The following MED13 variants were observed in gnomAD, a reference collection of about 807,000 sequenced individuals.
MED13 encodes the protein mediator complex subunit 13.
MED13 carries 23 observed loss-of-function variants against 225.2 expected under a neutral mutation model. That is an observed-to-expected ratio of 0.10 (90% CI 0.07 to 0.14). The LOEUF is 0.14. Among genes scored for constraint, MED13 ranks in the 10% least tolerant of loss-of-function variants. The pLI is 1.00. For synonymous variants in MED13, 942 were observed against 889.2 expected (o/e 1.06, Z -1.06); for missense variants, 2,197 against 2,594.5 (o/e 0.85, Z 3.33).
At chr17:61,949,313 C>A (rs190581953) in intron 28 of MED13, among the ~76,000 whole-genome samples, 1 of 152,130 alleles carries the variant, frequency 6.6e-6, no homozygotes, top group Admixed American at 6.5e-5. Context: ...GCAGCCTCAA[C>A]CTCTTGTGCT....
At chr17:62,006,518 C>T (rs925373573) in intron 9 of MED13, 1 of 152,170 alleles carries the variant, frequency 6.6e-6, no homozygotes, top group African/African-American at 2.4e-5. Flanking sequence ...TATCTGACAC[C>T]TATACACATT....
intron 9 of MED13, among the ~76,000 whole-genome samples, chr17:62,008,055 C>G (rs375910598): frequency 1.4e-5 from 2 of 142,090 alleles, no homozygotes; most frequent in Non-Finnish European, 3.0e-5. Context: ...CAGTGGCTCA[C>G]GCCTGTAATC....
intron 20 of MED13, 137 bp downstream of exon 20, chr17:61,964,869 G>T: frequency 1.3e-6 from 1 of 771,026 alleles, no homozygotes; most frequent in Non-Finnish European, 2.0e-6. Context: ...TCGGGAGGCA[G>T]AGGTTGCAGT....
rs755603719 is a variant in MED13 at position 62,033,868 on chromosome 17, A to G, written c.733T>C (p.Cys245Arg). 1 of 1,614,136 alleles carries G rather than the reference A, an allele frequency of 6.2e-7. No homozygotes were observed. Among genetic ancestry groups the G allele is most frequent in the South Asian group, 1.1e-5 (1 of 91,082 alleles). ...TTTTCTTCAGACATCTCCTTCAAGC[A>G]ACATGAGATAGGATAGAACTGTTTC... ...EWKQFYPISC[C>R]LKEMSEEKQE... Residue 245 changes from cysteine (C) to arginine (R), a missense_variant, in exon 5 of 30, where the codon TGC becomes CGC. Physicochemically the swap from Cys to Arg is radical, Grantham distance 180. This residue lies in a region of MED13 where 884 missense variants were observed against 918.5 expected (regional missense o/e 0.96). Coordinates refer to ENST00000397786, the MANE Select transcript of MED13 (RefSeq NM_005121.3).
rs1461959091 is a variant in MED13, at chr17:61,952,990, T to C, written c.6092A>G (p.Tyr2031Cys). 3.7e-6 allele frequency: 6 copies of C among 1,612,692 alleles called. No homozygotes were observed. The highest frequency in any genetic ancestry group is 5.1e-6 in the Non-Finnish European group (6 of 1,179,628). Residue 2031 changes from tyrosine (Y) to cysteine (C), a missense_variant, in exon 27 of 30, where the codon TAC becomes TGC. By Grantham distance (194) the Tyr-to-Cys change is radical. Transcript: ENST00000397786. ...CTTGCCCGCATCACCTCCATGGGGG[T>C]AATGAGATCCTGGAGAATGTACAGG... ...GSPVHSPGSH[Y>C]PHGGDAGKGQ...
At chr17:61,992,455 G>C in intron 11 of MED13, 85 bp downstream of exon 11, 3 of 772,640 alleles carry the variant, frequency 3.9e-6, no homozygotes, top group Non-Finnish European at 6.6e-6. Flanking sequence ...ATACAAAAAG[G>C]AACATTAGAA....
intron 9 of MED13, chr17:62,003,599 C>CAAAAAAAAAAAAAAAAAAAAAAAAAAAAA (rs34451831): frequency 9.7e-5 from 5 of 51,736 alleles, no homozygotes; most frequent in East Asian, 8.4e-4. Context: ...CAGCAAAACT[C>CAAAAAAAAAAAAAAAAAAAAAAAAAAAAA]AAAAAAAAAA....
At position 61,943,467 on chromosome 17, in the gene MED13, A is replaced by G. The variant is rs925954038; in HGVS notation, c.*3001T>C. 6.6e-6 allele frequency: 1 copy of G among 152,616 alleles called. No individual in the cohort carries two copies. Among genetic ancestry groups the G allele is most frequent in the African/African-American group, 2.4e-5 (1 of 41,460 alleles). 9.5% of individuals were successfully genotyped at this position (152,616 alleles called of 1,614,324 possible). On this transcript the variant is annotated 3_prime_UTR_variant, in exon 30 of 30. Transcript: ENST00000397786. ...AAATTACCTCAGAAGGTAAATATGA[A>G]GACGAAAGGAGAATATTTTAATACA...
chr17:62,013,570 C>A (rs1316612623), intron 8 of MED13, among the ~76,000 whole-genome samples: 2 of 151,222 alleles, frequency 1.3e-5, no homozygotes, highest in African/African-American at 4.8e-5. Context: ...CAACTAATAT[C>A]TTACTTGATG....
chr17:61,957,362 T>TA lies in MED13; in HGVS notation c.5481-882_5481-881insT, dbSNP rs200812607. On this transcript the variant is annotated intron_variant, in intron 23 of 29. Transcript: ENST00000397786. Reference sequence around the variant, plus strand: ...CTGGCCCAGTAAACTTTTTATTTTTTTTTTTGAGACGGAGTCTTGCTCTGT... The same window carrying TA: ...CTGGCCCAGTAAACTTTTTATTTTTTATTTTTGAGACGGAGTCTTGCTCTGT... Among the ~76,000 whole-genome samples, 496 of 144,372 alleles carry TA rather than the reference T, an allele frequency of 3.4e-3. 3 individuals carry two copies. The highest frequency in any genetic ancestry group is 0.017 in the Middle Eastern group (4 of 240). The allele number at this position is 144,372 out of a possible 152,430, so 94.7% of individuals were successfully genotyped here. A position where few individuals can be genotyped will look rare whatever the true frequency, so the allele number is the denominator to read the frequency against.
At chr17:61,980,117 A>G (rs543978301) in intron 16 of MED13, among the ~76,000 whole-genome samples, 1 of 152,122 alleles carries the variant, frequency 6.6e-6, no homozygotes, top group Admixed American at 6.5e-5. Context: ...TGAACCCGGG[A>G]GGTGGAGGTT....
intron 27 of MED13, 50 bp downstream of exon 27, chr17:61,952,915 G>A (rs767741990): frequency 5.0e-5 from 79 of 1,582,416 alleles, no homozygotes; most frequent in Admixed American, 1.1e-4. Context: ...GATTTTAGGC[G>A]TAAGCCACTG....
intron 1 of MED13, 54 bp downstream of exon 1, chr17:62,065,086 A>C: frequency 1.4e-6 from 2 of 1,457,748 alleles, no homozygotes; most frequent in Non-Finnish European, 1.8e-6. Context: ...CCCACGGCCC[A>C]AGGGCGCACC....
At chr17:62,052,729 A>G in intron 2 of MED13, 24 bp from the exon 3 acceptor site, 1 of 1,531,166 alleles carries the variant, frequency 6.5e-7, no homozygotes, top group South Asian at 1.3e-5. Context: ...GAAGGAAATA[A>G]TAAAATAGTG....
intron 2 of MED13, among the ~76,000 whole-genome samples, chr17:62,055,055 G>A (rs780975992): frequency 1.3e-5 from 2 of 152,154 alleles, no homozygotes; most frequent in Admixed American, 1.3e-4. Context: ...AAAAAAATCT[G>A]CTTTCTGGGA....
chr17:61,948,006 T>C (rs80073363), intron 28 of MED13, among the ~76,000 whole-genome samples: 1 of 152,350 alleles, frequency 6.6e-6, no homozygotes, highest in East Asian at 1.9e-4. Flanking sequence ...AAAATAGCTA[T>C]GTTTCAACTG....
At chr17:62,037,735 G>A (rs1345236457) in intron 3 of MED13, among the ~76,000 whole-genome samples, 3 of 149,464 alleles carry the variant, frequency 2.0e-5, no homozygotes, top group East Asian at 2.0e-4. Flanking sequence ...CAGGTGGATC[G>A]TTTGAGCCCA....
rs951712497 is a variant in MED13 at position 61,978,426 on chromosome 17, A to G, written c.3805+3772T>C. Among the ~76,000 whole-genome samples, 15 of 151,752 alleles carry G rather than the reference A, an allele frequency of 9.9e-5. 1 individual carries two copies. The East Asian group carries it at 2.9e-3, about 29-fold the overall frequency. ...GCCACCATGCCCAGCTAATTTTTGT[A>G]TTTTTAGTAGAGATGGGGTTTCACT... On this transcript the variant is annotated intron_variant, in intron 16 of 29. Coordinates refer to ENST00000397786, the MANE Select transcript of MED13 (RefSeq NM_005121.3).
chr17:62,038,153 G>C (rs1395057097), intron 3 of MED13, among the ~76,000 whole-genome samples: 1 of 152,046 alleles, frequency 6.6e-6, no homozygotes, highest in African/African-American at 2.4e-5. Context: ...TCAGCACTTG[G>C]GAGGCTGAGG....
Sources: allele counts gnomAD v4.1 joint callset (sites outside exome capture counted in the v4.1 genomes callset), GRCh38; gene constraint gnomAD v4.1.1; regional missense constraint gnomAD v4.1.1; transcripts MANE v1.5; gene names NCBI Gene and HGNC (gene_info 2026-07-23, HGNC 2026-07-21).